ACSM1: variants seen among roughly 807,000 people sequenced by gnomAD.
The protein encoded by ACSM1 is acyl-coenzyme A synthetase ACSM1, mitochondrial.
In ACSM1, 79 loss-of-function variants were observed where a neutral mutation model predicts 75.8. That is an observed-to-expected ratio of 1.04 (90% CI 0.87 to 1.26). The LOEUF (loss-of-function observed/expected upper bound fraction) is 1.26, where lower values mean the gene tolerates loss of function less well. ACSM1 is among the 50% of genes most tolerant of loss of function. ACSM1 has a pLI of 0.00. For missense variants in ACSM1, 676 were observed against 720.1 expected (o/e 0.94, Z 0.70); for synonymous variants, 279 against 265.8 (o/e 1.05, Z -0.48).
intron 3 of ACSM1, among the ~76,000 whole-genome samples, chr16:20,683,140 T>C (rs2079480538): frequency 6.6e-6 from 1 of 151,834 alleles, no homozygotes. Flanking sequence ...TTTTTTAAGG[T>C]GGAGTCTCCC....
At chr16:20,658,074 G>T (rs1164374528) in intron 7 of ACSM1, among the ~76,000 whole-genome samples, 1 of 152,144 alleles carries the variant, frequency 6.6e-6, no homozygotes, top group Non-Finnish European at 1.5e-5. Flanking sequence ...AGATACATGT[G>T]CATGTGTCTT....
rs1324906782 is a variant in ACSM1, at chr16:20,682,349, T to TC, written c.517dup (p.Asp173GlyfsTer18). On this transcript the variant is annotated frameshift_variant, in exon 4 of 14. Transcript: ENST00000520010. LOFTEE classifies it high-confidence loss of function. ...AGAGGGGCACTGAGAAGCTATGGAG[T>TC]CCACCTCTGAGGCAAGGGCATCTAT... The TC allele has an allele frequency of 1.2e-6, 2 of 1,613,716 alleles. No individual in the cohort carries two copies. The highest frequency in any genetic ancestry group is 1.7e-6 in the Non-Finnish European group (2 of 1,179,928).
intron 7 of ACSM1, among the ~76,000 whole-genome samples, chr16:20,652,936 C>T (rs2018728319): frequency 6.6e-6 from 1 of 152,096 alleles, no homozygotes; most frequent in Admixed American, 6.5e-5. Context: ...CAAAGCCTGG[C>T]AGAGACACAA....
chr16:20,635,261 G>A (rs1644951081), intron 10 of ACSM1, among the ~76,000 whole-genome samples: 1 of 152,096 alleles, frequency 6.6e-6, no homozygotes, highest in Non-Finnish European at 1.5e-5. Flanking sequence ...TGGGCATGGT[G>A]GTACCTGCCC....
intron 12 of ACSM1, among the ~76,000 whole-genome samples, chr16:20,624,832 C>A (rs1338428326): frequency 2.0e-5 from 3 of 151,954 alleles, no homozygotes; most frequent in Non-Finnish European, 4.4e-5. Flanking sequence ...GTAGCTGGGA[C>A]TACAGGCGCC....
At position 20,649,773 on chromosome 16, in the gene ACSM1, TTTGA is replaced by T. The variant is rs550814450; in HGVS notation, c.993-9193_993-9190del. On this transcript the variant is annotated intron_variant, in intron 7 of 13. Transcript: ENST00000520010. Reference sequence around the variant, plus strand: ...CAAACCAATGTATTTCTTAAATGTATTTGATTGATGTCTCATGCCTCCCTCAAAT... The same window carrying T: ...CAAACCAATGTATTTCTTAAATGTATTTGATGTCTCATGCCTCCCTCAAAT... 1.2e-4 allele frequency among the ~76,000 whole-genome samples: 18 copies of T among 152,320 alleles called. No individual in the cohort carries two copies. The East Asian group carries it at 3.5e-3, about 29-fold the overall frequency.
chr16:20,626,762 TAACA>T (rs2016948486), intron 11 of ACSM1, among the ~76,000 whole-genome samples: 1 of 151,994 alleles, frequency 6.6e-6, no homozygotes, highest in Non-Finnish European at 1.5e-5. Context: ...CATAGATGTA[TAACA>T]AATATATTCA....
intron 7 of ACSM1, among the ~76,000 whole-genome samples, chr16:20,647,104 C>T (rs2018409729): frequency 6.6e-6 from 1 of 152,166 alleles, no homozygotes; most frequent in South Asian, 2.1e-4. Flanking sequence ...TATCAGTGGC[C>T]TCCTGGCTAC....
rs1220055767 is a variant in ACSM1, at chr16:20,685,412, G to T, written c.193-9C>A. ...GGACCTCTCTTGCCCTCCTGGTCAA[G>T]ACCATATATTATGTGTTATTTTCTG... On this transcript the variant is annotated splice_polypyrimidine_tract_variant and intron_variant, in intron 2 of 13. Transcript: ENST00000520010. 5 of 1,613,634 alleles carry T rather than the reference G, an allele frequency of 3.1e-6. No individual in the cohort carries two copies. Among genetic ancestry groups the T allele is most frequent in the East Asian group, 4.5e-5 (2 of 44,896 alleles).
chr16:20,664,970 C>T (rs2019491967), intron 6 of ACSM1, among the ~76,000 whole-genome samples: 1 of 152,002 alleles, frequency 6.6e-6, no homozygotes. Context: ...ATACCATCTA[C>T]CAAAATCGTT....
intron 7 of ACSM1, among the ~76,000 whole-genome samples, chr16:20,651,612 A>T (rs1446103522): frequency 1.3e-5 from 2 of 152,190 alleles, no homozygotes; most frequent in Non-Finnish European, 2.9e-5. Context: ...TGACTGAGCA[A>T]GACTGTCTCA....
At position 20,640,479 on chromosome 16, in the gene ACSM1, G is replaced by T. The variant is rs1463999172; in HGVS notation, c.1098C>A (p.Asn366Lys). The T allele has an allele frequency of 2.5e-6, 4 of 1,614,140 alleles. No individual in the cohort carries two copies. Among genetic ancestry groups the T allele is most frequent in the Non-Finnish European group, 3.4e-6 (4 of 1,180,002 alleles). Residue 366 changes from asparagine to lysine, a missense_variant, in exon 8 of 14, where the codon AAC becomes AAA. Asn to Lys is a moderately conservative substitution (Grantham distance 94). Coordinates refer to ENST00000520010, the MANE Select transcript of ACSM1 (RefSeq NM_001318890.3). ...CACCTACCGTTTCCGACTGCCCATA[G>T]TTCTCGTAGAGCAGAAGGCCCGTCC... ...KRRTGLLLYENYGQSETGLIC... is the reference protein window; with the variant it reads ...KRRTGLLLYEKYGQSETGLIC...
Position 20,636,730 on chromosome 16 carries a change from G to T in ACSM1, c.1299+9C>A. The T allele has an allele frequency of 6.2e-7, 1 of 1,608,474 alleles. No homozygotes were observed. Among genetic ancestry groups the T allele is most frequent in the East Asian group, 2.2e-5 (1 of 44,840 alleles). On this transcript the variant is annotated intron_variant, in intron 10 of 13. Transcript: ENST00000520010. The stretch of plus-strand genomic sequence containing the variant: ...GGGGCCAGGATGGGGGCAGATGGGG[G>T]GTCATTACCTCATAGCACATGAAGA...
intron 7 of ACSM1, among the ~76,000 whole-genome samples, chr16:20,655,904 G>T (rs887448828): frequency 6.6e-6 from 1 of 152,072 alleles, no homozygotes; most frequent in Non-Finnish European, 1.5e-5. Context: ...CTTGTGATCC[G>T]CACACCTCAG....
chr16:20,630,933 AAAG>A (rs1302233109), intron 10 of ACSM1, among the ~76,000 whole-genome samples: 5 of 152,266 alleles, frequency 3.3e-5, no homozygotes, highest in African/African-American at 7.2e-5. Context: ...CCAATGAATC[AAAG>A]AAGAAGTCAC....
intron 7 of ACSM1, among the ~76,000 whole-genome samples, chr16:20,641,881 C>T (rs77130689): frequency 0.014 from 2,073 of 152,162 alleles, 23 homozygotes; most frequent in Non-Finnish European, 0.022. Flanking sequence ...AAAAGAAGCT[C>T]GGTGGGAAAG....
intron 7 of ACSM1, among the ~76,000 whole-genome samples, chr16:20,656,920 C>T (rs1009273304): frequency 2.0e-5 from 3 of 149,890 alleles, no homozygotes; most frequent in Middle Eastern, 6.9e-3. Context: ...AATGCCTAAA[C>T]AGCTGGTAAA....
intron 4 of ACSM1, among the ~76,000 whole-genome samples, chr16:20,677,989 T>C (rs537644542): frequency 6.2e-5 from 8 of 128,246 alleles, no homozygotes; most frequent in Non-Finnish European, 9.4e-5. Context: ...AGGGGCACCA[T>C]AAAGGAAGAA....
At chr16:20,650,849 C>T (rs537568034) in intron 7 of ACSM1, among the ~76,000 whole-genome samples, 5 of 152,238 alleles carry the variant, frequency 3.3e-5, no homozygotes, top group African/African-American at 1.2e-4. Flanking sequence ...CTAAGGTCGA[C>T]CTGCAGACTA....
Sources: allele counts gnomAD v4.1 joint callset (sites outside exome capture counted in the v4.1 genomes callset), GRCh38; gene constraint gnomAD v4.1.1; transcripts MANE v1.5; gene names NCBI Gene and HGNC (gene_info 2026-07-23, HGNC 2026-07-21).